Variants in PAK1 observed in about 807,000 individuals in gnomAD.
PAK1 encodes the protein serine/threonine-protein kinase PAK 1.
PAK1 carries 29 observed loss-of-function variants against 67.4 expected under a neutral mutation model. The observed-to-expected ratio is 0.43, with a 90% CI of 0.32 to 0.59. The LOEUF is 0.59. Among genes scored for constraint, PAK1 ranks in the 20% least tolerant of loss-of-function variants. PAK1 has a pLI of 0.07. For missense variants in PAK1, 337 were observed against 670.7 expected (o/e 0.50, Z 5.50); for synonymous variants, 223 against 237.4 (o/e 0.94, Z 0.56).
At chr11:77,430,868 A>G (rs962785888) in intron 1 of PAK1, among the ~76,000 whole-genome samples, 10 of 152,220 alleles carry the variant, frequency 6.6e-5, no homozygotes, top group African/African-American at 2.4e-4. Flanking sequence ...GACCAGTACC[A>G]TGGCCTGTTA....
chr11:77,411,262 G>A (rs1001922963), intron 1 of PAK1, among the ~76,000 whole-genome samples: 1 of 151,940 alleles, frequency 6.6e-6, no homozygotes, highest in African/African-American at 2.4e-5. Context: ...AAGATGGTTT[G>A]ACAGTCTGGA....
chr11:77,355,316 G>A (rs1233296296), intron 7 of PAK1, among the ~76,000 whole-genome samples: 1 of 152,094 alleles, frequency 6.6e-6, no homozygotes, highest in Non-Finnish European at 1.5e-5. Context: ...ATCAATAATT[G>A]ATCACAGTGC....
chr11:77,366,743 C>T (rs1292970379), intron 5 of PAK1, among the ~76,000 whole-genome samples: 2 of 152,164 alleles, frequency 1.3e-5, no homozygotes, highest in African/African-American at 4.8e-5. Context: ...TCATTAATTG[C>T]TAGTGGGAAT....
intron 12 of PAK1, among the ~76,000 whole-genome samples, chr11:77,336,850 T>C (rs1484990587): frequency 6.6e-6 from 1 of 152,088 alleles, no homozygotes; most frequent in Non-Finnish European, 1.5e-5. Flanking sequence ...TTACATTATA[T>C]TGCAATTATA....
chr11:77,487,103 T>C, the PAK1 span, among the ~76,000 whole-genome samples: 2 of 152,200 alleles, frequency 1.3e-5, no homozygotes, highest in Admixed American at 1.3e-4. Flanking sequence ...GCAACTTAGA[T>C]ACTTGCTCAG....
intron 5 of PAK1, among the ~76,000 whole-genome samples, chr11:77,365,135 C>T (rs1447076557): frequency 2.0e-5 from 3 of 151,052 alleles, no homozygotes; most frequent in African/African-American, 7.3e-5. Flanking sequence ...GCCTGTTGTC[C>T]CAGTTACTCA....
the PAK1 span, among the ~76,000 whole-genome samples, chr11:77,517,460 T>C: frequency 3.3e-5 from 5 of 152,202 alleles, no homozygotes; most frequent in Non-Finnish European, 7.3e-5. Context: ...GGGAAAGGGA[T>C]GCTGAGCAGG....
Position 77,439,096 on chromosome 11 carries a change from T to C in PAK1, c.-22+34456A>G, listed in dbSNP as rs371850903. Among the ~76,000 whole-genome samples, 23 of 152,322 alleles carry C rather than the reference T, an allele frequency of 1.5e-4. 1 individual carries two copies. The East Asian group carries it at 3.9e-3, about 26-fold the overall frequency. On this transcript the variant is annotated intron_variant, in intron 1 of 14. Transcript: ENST00000356341. Reference sequence around the variant, plus strand: ...ATTCGAAGCCATGAAGAGCATGCTATCTCCTCTATCTTTTAAATGTTAGGA... The same window carrying C: ...ATTCGAAGCCATGAAGAGCATGCTACCTCCTCTATCTTTTAAATGTTAGGA...
the PAK1 span, among the ~76,000 whole-genome samples, chr11:77,527,097 A>AT: frequency 7.9e-5 from 12 of 151,942 alleles, no homozygotes; most frequent in African/African-American, 2.9e-4. Flanking sequence ...TAGTTAATTT[A>AT]TTTTTTATTT....
chr11:77,336,330 C>T (rs1942681563), intron 12 of PAK1, 48 bp from the exon 13 acceptor site: 10 of 1,386,146 alleles, frequency 7.2e-6, no homozygotes, highest in Non-Finnish European at 1.0e-5. Flanking sequence ...GATATACACT[C>T]ACTTCAGTAA....
At chr11:77,402,596 G>C (rs1434022837) in intron 1 of PAK1, among the ~76,000 whole-genome samples, 1 of 152,072 alleles carries the variant, frequency 6.6e-6, no homozygotes, top group African/African-American at 2.4e-5. Flanking sequence ...ATAAAGTTGA[G>C]GCCCTTACAA....
the PAK1 span, among the ~76,000 whole-genome samples, chr11:77,486,124 C>G: frequency 6.6e-6 from 1 of 152,234 alleles, no homozygotes; most frequent in Non-Finnish European, 1.5e-5. Context: ...ATACACACCC[C>G]TTTTTCTTGA....
chr11:77,481,443 G>A, the PAK1 span, among the ~76,000 whole-genome samples: 8 of 152,144 alleles, frequency 5.3e-5, no homozygotes, highest in African/African-American at 1.4e-4. Flanking sequence ...TTGGGAGGCC[G>A]AGGCGGGCGG....
chr11:77,349,394 G>T, intron 8 of PAK1, 107 bp from the exon 9 acceptor site: 1 of 842,474 alleles, frequency 1.2e-6, no homozygotes, highest in Non-Finnish European at 2.0e-6. Flanking sequence ...AAAAACAAGA[G>T]CAGTAAAAAT....
chr11:77,399,858 C>CAAAAAAAAAAAAAAAA (rs34662738), intron 1 of PAK1, among the ~76,000 whole-genome samples: 6 of 42,370 alleles, frequency 1.4e-4, no homozygotes, highest in African/African-American at 3.1e-4. Context: ...GACTCCGTCT[C>CAAAAAAAAAAAAAAAA]AAAAAAAAAA....
At chr11:77,486,761 A>G in the PAK1 span, among the ~76,000 whole-genome samples, 1 of 152,208 alleles carries the variant, frequency 6.6e-6, no homozygotes, top group African/African-American at 2.4e-5. Flanking sequence ...GACCAGCCCT[A>G]TCTGGGTGGG....
At chr11:77,465,256 C>T (rs528763737) in intron 1 of PAK1, among the ~76,000 whole-genome samples, 2 of 152,182 alleles carry the variant, frequency 1.3e-5, no homozygotes, top group East Asian at 1.9e-4. Flanking sequence ...GAACAGGTGA[C>T]CAGATTTGGA....
At chr11:77,415,386 CATT>C (rs1270344392) in intron 1 of PAK1, among the ~76,000 whole-genome samples, 1 of 152,184 alleles carries the variant, frequency 6.6e-6, no homozygotes, top group African/African-American at 2.4e-5. Flanking sequence ...AGAAAAGTGT[CATT>C]AGGTGATTTC....
At chr11:77,398,545 T>C (rs1056093316) in intron 1 of PAK1, among the ~76,000 whole-genome samples, 16 of 152,222 alleles carry the variant, frequency 1.1e-4, no homozygotes, top group African/African-American at 3.6e-4. Flanking sequence ...TAGTACTCCA[T>C]TGTGCATATA....
Sources: gnomAD v4.1 joint callset for allele counts (sites outside exome capture counted in the v4.1 genomes callset) on GRCh38, gnomAD v4.1.1 for gene constraint, MANE v1.5 for transcripts, NCBI Gene and HGNC (gene_info 2026-07-23, HGNC 2026-07-21) for gene names.